The following CHP1 variants were observed in gnomAD, a reference collection of about 807,000 sequenced individuals.
CHP1 encodes the protein calcineurin like EF-hand protein 1, also known as calcineurin B homologous protein 1.
In CHP1, 11 loss-of-function variants were observed where a neutral mutation model predicts 27.4. The observed-to-expected ratio is 0.40, with a 90% CI of 0.25 to 0.67. CHP1 has a LOEUF of 0.67. Among genes scored for constraint, CHP1 ranks in the 30% least tolerant of loss-of-function variants. The pLI, the probability that CHP1 is intolerant of heterozygous loss-of-function variation, is 0.38. For missense variants in CHP1, 169 were observed against 251.3 expected (o/e 0.67, Z 2.22); for synonymous variants, 89 against 87.4 (o/e 1.02, Z -0.10).
intron 1 of CHP1, among the ~76,000 whole-genome samples, chr15:41,235,786 G>A (rs2047273731): frequency 6.6e-6 from 1 of 152,166 alleles, no homozygotes; most frequent in Admixed American, 6.6e-5. Context: ...TGGCTAGAAT[G>A]TAAGTAGAAA....
At chr15:41,271,848 C>T (rs1402330028) in intron 5 of CHP1, among the ~76,000 whole-genome samples, 1 of 152,180 alleles carries the variant, frequency 6.6e-6, no homozygotes, top group South Asian at 2.1e-4. Context: ...CAGCGAGAAG[C>T]GTTTATTTTC....
In CHP1 at chr15:41,257,644, C is replaced by G. The variant is rs560771042; in HGVS notation, c.221+654C>G. On this transcript the variant is annotated intron_variant, in intron 3 of 6. Coordinates refer to ENST00000334660, the MANE Select transcript of CHP1 (RefSeq NM_007236.5). ...GTGCCATCTCGGCTCACTGCAACCTCTGCCTCCCGGGTTCAAGCGATTCTC... is the reference window on the plus strand; with the variant it reads ...GTGCCATCTCGGCTCACTGCAACCTGTGCCTCCCGGGTTCAAGCGATTCTC... 2.0e-5 allele frequency among the ~76,000 whole-genome samples: 3 copies of G among 152,214 alleles called. No homozygotes were observed. In the South Asian group the frequency reaches 6.2e-4, roughly 32 times the overall value.
intron 3 of CHP1, among the ~76,000 whole-genome samples, chr15:41,261,855 G>A (rs1432342101): frequency 6.6e-6 from 1 of 152,110 alleles, no homozygotes; most frequent in Non-Finnish European, 1.5e-5. Context: ...AGCTGAGCGT[G>A]GTGGCGCATG....
intron 3 of CHP1, among the ~76,000 whole-genome samples, chr15:41,259,920 A>T (rs1281378126): frequency 6.6e-6 from 1 of 152,176 alleles, no homozygotes; most frequent in Admixed American, 6.5e-5. Context: ...CGCCTGGCTA[A>T]GGTTTCACCA....
intron 1 of CHP1, among the ~76,000 whole-genome samples, chr15:41,243,063 G>T (rs1275689735): frequency 7.2e-5 from 11 of 152,152 alleles, no homozygotes; most frequent in Non-Finnish European, 8.8e-5. Context: ...ATTTGGGCTG[G>T]GCATGGTGGC....
intron 1 of CHP1, among the ~76,000 whole-genome samples, chr15:41,232,604 A>C (rs2047256600): frequency 6.6e-6 from 1 of 152,164 alleles, no homozygotes; most frequent in African/African-American, 2.4e-5. Context: ...GTAAAATACC[A>C]TCATAACTTT....
rs372129599 is a variant in CHP1, at chr15:41,278,923, G to A, written c.534+34G>A. On this transcript the variant is annotated intron_variant, in intron 6 of 6. Coordinates refer to ENST00000334660, the MANE Select transcript of CHP1 (RefSeq NM_007236.5). ...CTTACTTCTTGTTTGAAAAAGTTAC[G>A]TTTTAGTGGCTGGGCGCGGTGGCTT... 3.4e-4 allele frequency: 554 copies of A among 1,612,354 alleles called. 1 individual carries two copies. The highest frequency in any genetic ancestry group is 4.3e-4 in the Non-Finnish European group (508 of 1,179,316).
At chr15:41,263,652 A>G (rs1198528967) in intron 4 of CHP1, among the ~76,000 whole-genome samples, 7 of 152,192 alleles carry the variant, frequency 4.6e-5, no homozygotes, top group Non-Finnish European at 8.8e-5. Flanking sequence ...AGGTAGGTAG[A>G]TCACTTGAGC....
At chr15:41,275,700 T>C (rs1281899184) in intron 5 of CHP1, among the ~76,000 whole-genome samples, 5 of 152,022 alleles carry the variant, frequency 3.3e-5, no homozygotes, top group Non-Finnish European at 7.4e-5. Flanking sequence ...GCCGCCTGAG[T>C]AGCTGGTACT....
chr15:41,270,716 C>A, intron 5 of CHP1, 98 bp downstream of exon 5: 1 of 940,500 alleles, frequency 1.1e-6, no homozygotes. Context: ...TTATTTAATA[C>A]CTGCTATGTG....
rs548649087 is a variant in CHP1, at chr15:41,246,765, C to T, written c.140+3026C>T. On this transcript the variant is annotated intron_variant, in intron 2 of 6. Transcript: ENST00000334660. ...TTAAAAATACAAAAAATTAGCTGGG[C>T]GTGGTGGCAGGCGCCTGTAGTCCCA... is the stretch of plus-strand genomic sequence containing the variant. Among the ~76,000 whole-genome samples the T allele has an allele frequency of 2.7e-4, 40 of 146,862 alleles. No homozygotes were observed. The South Asian group carries it at 8.3e-3, about 31-fold the overall frequency.
chr15:41,278,133 CCTGT>C (rs2047528490), intron 5 of CHP1, among the ~76,000 whole-genome samples: 1 of 151,858 alleles, frequency 6.6e-6, no homozygotes, highest in Non-Finnish European at 1.5e-5. Context: ...TCGAGACCAT[CCTGT>C]CTAACATGCT....
chr15:41,278,483 T>G (rs1277265737), intron 5 of CHP1, among the ~76,000 whole-genome samples: 1 of 150,204 alleles, frequency 6.7e-6, no homozygotes, highest in African/African-American at 2.5e-5. Flanking sequence ...AGTAGTTATT[T>G]TTTCTGTTTC....
At chr15:41,262,130 C>G (rs1207026559) in intron 3 of CHP1, among the ~76,000 whole-genome samples, 1 of 151,860 alleles carries the variant, frequency 6.6e-6, no homozygotes, top group African/African-American at 2.4e-5. Context: ...GGTAGTGCCA[C>G]TGCATTCCAG....
chr15:41,236,537 CAGA>C (rs1239841243), intron 1 of CHP1, among the ~76,000 whole-genome samples: 2 of 152,046 alleles, frequency 1.3e-5, no homozygotes, highest in South Asian at 4.2e-4. Context: ...GCTGCGATTA[CAGA>C]GGTGAGCCAC....
At chr15:41,271,201 G>A (rs1286355982) in intron 5 of CHP1, among the ~76,000 whole-genome samples, 2 of 147,422 alleles carry the variant, frequency 1.4e-5, no homozygotes, top group African/African-American at 2.5e-5. Flanking sequence ...CTTGCAGTGA[G>A]CAGAGCTCAC....
At chr15:41,237,973 G>A (rs190633933) in intron 1 of CHP1, among the ~76,000 whole-genome samples, 1 of 152,252 alleles carries the variant, frequency 6.6e-6, no homozygotes, top group Non-Finnish European at 1.5e-5. Flanking sequence ...AAAGTGCTAG[G>A]ATTACAGGCA....
chr15:41,253,399 ATTAT>A (rs1370331462), intron 2 of CHP1, among the ~76,000 whole-genome samples: 16 of 151,588 alleles, frequency 1.1e-4, no homozygotes, highest in Admixed American at 5.3e-4. Context: ...TTGTTCGTAT[ATTAT>A]TTATTTAACA....
chr15:41,278,497 C>A (rs185612604), intron 5 of CHP1, among the ~76,000 whole-genome samples: 28 of 152,260 alleles, frequency 1.8e-4, no homozygotes, highest in Admixed American at 1.8e-3. Flanking sequence ...CTGTTTCTCT[C>A]TCACCTCCTA....
Sources: allele counts gnomAD v4.1 joint callset (sites outside exome capture counted in the v4.1 genomes callset), GRCh38; gene constraint gnomAD v4.1.1; transcripts MANE v1.5; gene names NCBI Gene and HGNC (gene_info 2026-07-23, HGNC 2026-07-21).